CDK6: variants seen among roughly 807,000 people sequenced by gnomAD.
CDK6 encodes cyclin-dependent kinase 6.
Under a neutral mutation model 37.1 loss-of-function variants are expected in CDK6, and 6 were observed. The observed-to-expected ratio is 0.16, with a 90% CI of 0.09 to 0.32. The LOEUF is 0.32. Among genes scored for constraint, CDK6 ranks in the 10% least tolerant of loss-of-function variants. The pLI is 1.00. For synonymous variants in CDK6, 160 were observed against 161.3 expected, an observed-to-expected ratio of 0.99 and a Z score of 0.06; for missense variants, 224 against 418.9, an observed-to-expected ratio of 0.53 and a Z score of 4.06.
chr7:92,801,963 C>G (rs963586308), intron 2 of CDK6, among the ~76,000 whole-genome samples: 1 of 146,592 alleles, frequency 6.8e-6, no homozygotes, highest in Admixed American at 6.8e-5. Flanking sequence ...CCCTCCCCCC[C>G]GTTCTCTCCC....
intron 3 of CDK6, among the ~76,000 whole-genome samples, chr7:92,763,908 A>C (rs1253021843): frequency 2.0e-5 from 3 of 152,196 alleles, no homozygotes; most frequent in African/African-American, 7.2e-5. Context: ...ATGAGGAATC[A>C]GTTAGGGCAG....
chr7:92,664,771 T>C (rs909717791), intron 5 of CDK6, among the ~76,000 whole-genome samples: 1 of 151,918 alleles, frequency 6.6e-6, no homozygotes, highest in African/African-American at 2.4e-5. Flanking sequence ...AGAAACATGT[T>C]TTATTTTCTT....
At chr7:92,635,078 T>A (rs1185957727) in intron 5 of CDK6, among the ~76,000 whole-genome samples, 1 of 152,200 alleles carries the variant, frequency 6.6e-6, no homozygotes, top group Non-Finnish European at 1.5e-5. Flanking sequence ...GAGGGATGAC[T>A]CATTGCATTG....
rs1198147371 is a variant in CDK6 at position 92,607,511 on chromosome 7, A to G, written c.*7629T>C. ...CTACATCTATATATTCAAATCTACT[A>G]ATCATGTTACAAATGCATGCAGCTT... On this transcript the variant is annotated 3_prime_UTR_variant, in exon 8 of 8. Coordinates refer to ENST00000424848, the MANE Select transcript of CDK6 (RefSeq NM_001145306.2). 4 of 232,900 alleles carry G rather than the reference A, an allele frequency of 1.7e-5. No individual in the cohort carries two copies. Among genetic ancestry groups the G allele is most frequent in the Non-Finnish European group, 3.4e-5 (4 of 117,952 alleles). The allele number at this position is 232,900 out of a possible 1,614,324, so 14.4% of individuals were successfully genotyped here.
Position 92,608,155 on chromosome 7 carries a change from G to T in CDK6, c.*6985C>A, listed in dbSNP as rs113665429. On this transcript the variant is annotated 3_prime_UTR_variant, in exon 8 of 8. Transcript: ENST00000424848. ...ATTAAATAATTGTGTGGCTCTATGT[G>T]TGCTGATTAGTGCTACAGTCATAGT... 0.044 allele frequency: 10,137 copies of T among 232,516 alleles called. 270 individuals carry two copies. Among genetic ancestry groups the T allele is most frequent in the Non-Finnish European group, 0.057 (6,734 of 117,626 alleles). The allele number at this position is 232,516 out of a possible 1,614,324, so 14.4% of individuals were successfully genotyped here.
chr7:92,664,789 CCT>C (rs961756404), intron 5 of CDK6, among the ~76,000 whole-genome samples: 1 of 150,978 alleles, frequency 6.6e-6, no homozygotes, highest in Non-Finnish European at 1.5e-5. Context: ...CTTTTTTCTT[CCT>C]TTTTTTTTTT....
At chr7:92,630,390 T>C (rs1354317061) in intron 5 of CDK6, among the ~76,000 whole-genome samples, 1 of 152,052 alleles carries the variant, frequency 6.6e-6, no homozygotes, top group Non-Finnish European at 1.5e-5. Flanking sequence ...GAAATGATGA[T>C]GTATTTAGCA....
intron 5 of CDK6, among the ~76,000 whole-genome samples, chr7:92,645,400 A>G (rs1415191631): frequency 6.6e-6 from 1 of 152,226 alleles, no homozygotes; most frequent in Non-Finnish European, 1.5e-5. Flanking sequence ...ATCGTACAAG[A>G]AAGATAAGTA....
chr7:92,639,947 T>C (rs939292350), intron 5 of CDK6, among the ~76,000 whole-genome samples: 1 of 152,226 alleles, frequency 6.6e-6, no homozygotes, highest in Non-Finnish European at 1.5e-5. Flanking sequence ...AATTATGGTA[T>C]AATTTTTCTG....
intron 4 of CDK6, among the ~76,000 whole-genome samples, chr7:92,721,068 G>A (rs1237387798): frequency 1.3e-5 from 2 of 152,084 alleles, no homozygotes; most frequent in Non-Finnish European, 2.9e-5. Context: ...AAACTTTTCT[G>A]ATAAAAATAA....
chr7:92,669,318 A>T (rs1797025834), intron 5 of CDK6, among the ~76,000 whole-genome samples: 1 of 152,268 alleles, frequency 6.6e-6, no homozygotes. Flanking sequence ...TAACATTTTA[A>T]AATAAAATTT....
chr7:92,793,265 G>A (rs2115865641), intron 2 of CDK6, among the ~76,000 whole-genome samples: 1 of 152,124 alleles, frequency 6.6e-6, no homozygotes, highest in African/African-American at 2.4e-5. Context: ...GACTTCATAT[G>A]ATAATGCAAG....
intron 2 of CDK6, among the ~76,000 whole-genome samples, chr7:92,785,580 G>A (rs1800110112): frequency 6.6e-6 from 1 of 152,320 alleles, no homozygotes; most frequent in African/African-American, 2.4e-5. Context: ...AAAATGGACA[G>A]CAACAGTGGT....
intron 5 of CDK6, among the ~76,000 whole-genome samples, chr7:92,665,222 TTA>T (rs1796929781): frequency 6.6e-6 from 1 of 152,172 alleles, no homozygotes; most frequent in Admixed American, 6.5e-5. Context: ...TACTGTGAAT[TTA>T]TTTTGCTGTA....
chr7:92,717,709 A>T (rs1798264591), intron 4 of CDK6, among the ~76,000 whole-genome samples: 1 of 152,332 alleles, frequency 6.6e-6, no homozygotes, highest in Middle Eastern at 3.4e-3. Flanking sequence ...GTGACCACTT[A>T]TGAAGGAGCT....
In CDK6 at chr7:92,608,207, GC is replaced by G; in HGVS notation, c.*6932del. ...CTTGGCAGTCAATATGTAGTTATATGCCCCCTTTGAGAAAAACCTACATTTG... is the reference window on the plus strand; with the variant it reads ...CTTGGCAGTCAATATGTAGTTATATGCCCCTTTGAGAAAAACCTACATTTG... On this transcript the variant is annotated 3_prime_UTR_variant, in exon 8 of 8. Coordinates refer to ENST00000424848, the MANE Select transcript of CDK6 (RefSeq NM_001145306.2). The G allele has an allele frequency of 4.3e-6, 1 of 232,140 alleles. No individual in the cohort carries two copies. Among genetic ancestry groups the G allele is most frequent in the African/African-American group, 2.2e-5 (1 of 45,362 alleles). The allele number at this position is 232,140 out of a possible 1,614,324, so 14.4% of individuals were successfully genotyped here. A position where few individuals can be genotyped will look rare whatever the true frequency, so the allele number is the denominator to read the frequency against.
At chr7:92,743,337 T>C (rs1367229623) in intron 3 of CDK6, among the ~76,000 whole-genome samples, 1 of 150,806 alleles carries the variant, frequency 6.6e-6, no homozygotes. Flanking sequence ...GATCATGGCA[T>C]TGCACTCCAG....
chr7:92,608,709 CATTT>C lies in CDK6; in HGVS notation c.*6427_*6430del. On this transcript the variant is annotated 3_prime_UTR_variant, in exon 8 of 8. Coordinates refer to ENST00000424848, the MANE Select transcript of CDK6 (RefSeq NM_001145306.2). ...GAAGACACCCGTTTGCTACTAGGGACATTTTTCTTCCTAAGATTTGCAGAACAGA... is the reference window on the plus strand; with the variant it reads ...GAAGACACCCGTTTGCTACTAGGGACTTCTTCCTAAGATTTGCAGAACAGA... 1 of 230,886 alleles carries C rather than the reference CATTT, an allele frequency of 4.3e-6. No homozygotes were observed. Among genetic ancestry groups the C allele is most frequent in the Non-Finnish European group, 8.6e-6 (1 of 116,554 alleles). 14.3% of individuals were successfully genotyped at this position (230,886 alleles called of 1,614,324 possible). A position where few individuals can be genotyped will look rare whatever the true frequency, so the allele number is the denominator to read the frequency against.
At chr7:92,684,281 A>G (rs368305218) in intron 4 of CDK6, among the ~76,000 whole-genome samples, 1 of 152,324 alleles carries the variant, frequency 6.6e-6, no homozygotes, top group Non-Finnish European at 1.5e-5. Flanking sequence ...TTTGGTCTTA[A>G]GCCTAATTAC....
Sources: gnomAD v4.1 joint callset for allele counts (sites outside exome capture counted in the v4.1 genomes callset) on GRCh38, gnomAD v4.1.1 for gene constraint, MANE v1.5 for transcripts, NCBI Gene and HGNC (gene_info 2026-07-23, HGNC 2026-07-21) for gene names.